The following LCP2 variants were observed in gnomAD, a reference collection of about 807,000 sequenced individuals.
LCP2 encodes lymphocyte cytosolic protein 2.
In LCP2, 29 loss-of-function variants were observed where a neutral mutation model predicts 74.5. The ratio of observed to expected loss-of-function variants is 0.39; its 90% confidence interval spans 0.29 to 0.53. The LOEUF is 0.53. Ranked by LOEUF, LCP2 falls within the 20% of genes least tolerant of loss-of-function variation. The pLI is 0.72. For missense variants in LCP2, 604 were observed against 634.6 expected (o/e 0.95, Z 0.52); for synonymous variants, 228 against 229.5 (o/e 0.99, Z 0.06).
chr5:170,249,380 A>ATATATC (rs57880741), intron 20 of LCP2, among the ~76,000 whole-genome samples: 5,371 of 147,932 alleles, frequency 0.036, 119 homozygotes, highest in Non-Finnish European at 0.045. Flanking sequence ...ATATATATAT[A>ATATATC]TCTACATATC....
At position 170,290,952 on chromosome 5, in the gene LCP2, A is replaced by AAAAGAAAG. The variant is rs201112309; in HGVS notation, c.141+2350_141+2357dup. Reference sequence around the variant, plus strand: ...AGAGAGAAAGAAGAAAGAAAGAAAGAAAAGAAAGAAAGAAAGAAAGAAAGA... The same window carrying AAAAGAAAG: ...AGAGAGAAAGAAGAAAGAAAGAAAGAAAAGAAAGAAAGAAAGAAAGAAAGAAAGAAAGA... On this transcript the variant is annotated intron_variant, in intron 2 of 20. Transcript: ENST00000046794. 5.8e-3 allele frequency among the ~76,000 whole-genome samples: 673 copies of AAAAGAAAG among 116,978 alleles called. 4 individuals carry two copies. The highest frequency in any genetic ancestry group is 0.015 in the East Asian group (60 of 3,986). 76.7% of individuals were successfully genotyped at this position (116,978 alleles called of 152,430 possible).
chr5:170,291,199 CAGGAAGGA>C (rs70979170), intron 2 of LCP2, among the ~76,000 whole-genome samples: 15 of 125,524 alleles, frequency 1.2e-4, no homozygotes, highest in Admixed American at 3.9e-4. Context: ...GGAAAGAAGG[CAGGAAGGA>C]AGGAAGGAAG....
At chr5:170,260,193 T>C (rs1761626887) in intron 14 of LCP2, among the ~76,000 whole-genome samples, 1 of 152,242 alleles carries the variant, frequency 6.6e-6, no homozygotes, top group African/African-American at 2.4e-5. Flanking sequence ...TTGAGCCACA[T>C]GGCACACTTT....
chr5:170,270,486 C>T (rs1458373573), intron 7 of LCP2: 1 of 476,426 alleles, frequency 2.1e-6, no homozygotes, highest in Non-Finnish European at 3.6e-6. Flanking sequence ...GTAGTCCTCA[C>T]AGGAAACCTA....
intron 3 of LCP2, among the ~76,000 whole-genome samples, chr5:170,283,376 T>C (rs1473701866): frequency 6.6e-6 from 1 of 152,224 alleles, no homozygotes; most frequent in Non-Finnish European, 1.5e-5. Flanking sequence ...TCAGTTGAGC[T>C]TAGCCTTAAG....
In LCP2 at chr5:170,255,254, T is replaced by A. The variant is rs536159494; in HGVS notation, c.1150+1272A>T. Among the ~76,000 whole-genome samples the A allele has an allele frequency of 1.2e-4, 18 of 152,314 alleles. No individual in the cohort carries two copies. The South Asian group carries it at 3.5e-3, about 30-fold the overall frequency. On this transcript the variant is annotated intron_variant, in intron 17 of 20. Coordinates refer to ENST00000046794, the MANE Select transcript of LCP2 (RefSeq NM_005565.5). ...TGCTTAGAAAACATTGAAAACTTAG[T>A]GGGTGCCACTGGCGTCAGCAGTGGG...
At position 170,256,453 on chromosome 5, in the gene LCP2, T is replaced by G; in HGVS notation, c.1150+73A>C. Reference sequence around the variant, plus strand: ...AACAATAAAACCTTTGTCGAAAGCTTTTGGGACAGGTTAGGGATCCAGTCA... The same window carrying G: ...AACAATAAAACCTTTGTCGAAAGCTGTTGGGACAGGTTAGGGATCCAGTCA... On this transcript the variant is annotated intron_variant, in intron 17 of 20. Coordinates refer to ENST00000046794, the MANE Select transcript of LCP2 (RefSeq NM_005565.5). This position sits in a 1 kb window ranked among gnomAD's most constrained non-coding sequence, Gnocchi z 4.5. 3 of 1,206,912 alleles carry G rather than the reference T, an allele frequency of 2.5e-6. No individual in the cohort carries two copies. Among genetic ancestry groups the G allele is most frequent in the Non-Finnish European group, 3.7e-6 (3 of 811,468 alleles). The allele number at this position is 1,206,912 out of a possible 1,614,324, so 74.8% of individuals were successfully genotyped here. A position where few individuals can be genotyped will look rare whatever the true frequency, so the allele number is the denominator to read the frequency against.
chr5:170,275,424 C>A, intron 4 of LCP2, 73 bp from the exon 5 acceptor site: 1 of 1,552,956 alleles, frequency 6.4e-7, no homozygotes, highest in South Asian at 1.1e-5. Context: ...TCAACCTGGT[C>A]CAGCGAGAGG....
chr5:170,274,178 C>T (rs1761945600), intron 6 of LCP2, 123 bp downstream of exon 6: 2 of 1,020,804 alleles, frequency 2.0e-6, no homozygotes, highest in African/African-American at 3.2e-5. Flanking sequence ...TTTTCTGGGC[C>T]CTGGGTGGGT....
rs1465890293 is a variant in LCP2, at chr5:170,293,302, G to GAGCT, written c.141+4_141+7dup. 1.2e-6 allele frequency: 2 copies of GAGCT among 1,606,154 alleles called. No homozygotes were observed. The highest frequency in any genetic ancestry group is 2.7e-5 in the African/African-American group (2 of 74,840). On this transcript the variant is annotated splice_region_variant and intron_variant, in intron 2 of 20. Transcript: ENST00000046794. ...TGGTTTCAGTGTGTTGGACTAGCCA[G>GAGCT]AGCTTACCAAGAAGCGAGCCCCATC...
At chr5:170,272,764 C>CACCA (rs1283455379) in intron 6 of LCP2, among the ~76,000 whole-genome samples, 4 of 151,390 alleles carry the variant, frequency 2.6e-5, no homozygotes, top group Non-Finnish European at 5.9e-5. Context: ...AGGCACGCAC[C>CACCA]ACCACGCCCA....
rs574632588 is a variant in LCP2, at chr5:170,275,445, T to G, written c.255-94A>C. 6.6e-4 allele frequency: 905 copies of G among 1,371,070 alleles called. 7 individuals are homozygous for G. In the Middle Eastern group the frequency reaches 8.0e-3, roughly 12 times the overall value. The allele number at this position is 1,371,070 out of a possible 1,614,324, so 84.9% of individuals were successfully genotyped here. A position where few individuals can be genotyped will look rare whatever the true frequency, so the allele number is the denominator to read the frequency against. On this transcript the variant is annotated intron_variant, in intron 4 of 20. Coordinates refer to ENST00000046794, the MANE Select transcript of LCP2 (RefSeq NM_005565.5). ...TGGTCCAGCGAGAGGGAGTCCCCAG[T>G]GGAGGGCATGTCTCACTGCTCAAGA...
intron 1 of LCP2, 67 bp downstream of exon 1, chr5:170,297,467 G>T: frequency 7.1e-7 from 1 of 1,413,514 alleles, no homozygotes; most frequent in Non-Finnish European, 9.8e-7. Context: ...CAATTCCATC[G>T]TCAAGCCTCA....
intron 3 of LCP2, among the ~76,000 whole-genome samples, chr5:170,280,033 T>C (rs1004425265): frequency 6.6e-5 from 10 of 152,118 alleles, no homozygotes; most frequent in Admixed American, 5.9e-4. Flanking sequence ...GCACAAAGCA[T>C]GCAGTAGGAA....
rs111312424 is a variant in LCP2 at position 170,286,016 on chromosome 5, G to A, written c.188+1954C>T. ...TCACCGCCTTTGTTTTCCATCCCTCGGTGTCTGATGCTCAATGTCTTGAAA... is the reference window on the plus strand; with the variant it reads ...TCACCGCCTTTGTTTTCCATCCCTCAGTGTCTGATGCTCAATGTCTTGAAA... On this transcript the variant is annotated intron_variant, in intron 3 of 20. Transcript: ENST00000046794. 1.8e-3 allele frequency among the ~76,000 whole-genome samples: 271 copies of A among 152,194 alleles called. 2 individuals carry two copies. Among genetic ancestry groups the A allele is most frequent in the African/African-American group, 6.2e-3 (256 of 41,534 alleles).
At chr5:170,257,284 G>A (rs559715018) in intron 16 of LCP2, among the ~76,000 whole-genome samples, 8 of 152,288 alleles carry the variant, frequency 5.3e-5, no homozygotes, top group East Asian at 1.9e-4. Flanking sequence ...AGATGCCAGC[G>A]GGAAGAGGGA....
rs1230807459 is a variant in LCP2, at chr5:170,262,717, T to A, written c.844A>T (p.Ile282Phe). ...GRSLGEHLPKIQKPPLPPTTE... is the reference protein window; with the variant it reads ...GRSLGEHLPKFQKPPLPPTTE... ...GTCGGTGGTAAAGGAGGCTTTTGAA[T>A]CTTGGGTAAATGCTCCCCGAGTGAC... The change falls in exon 13 of 21, where the codon ATT (isoleucine) becomes TTT (phenylalanine). Residue 282 changes from isoleucine to phenylalanine, a missense_variant. By Grantham distance (21) the Ile-to-Phe change is conservative. Transcript: ENST00000046794. The A allele has an allele frequency of 1.2e-6, 2 of 1,613,948 alleles. No individual in the cohort carries two copies. The highest frequency in any genetic ancestry group is 8.5e-7 in the Non-Finnish European group (1 of 1,179,860).
At chr5:170,279,680 G>A (rs757836823) in intron 3 of LCP2, among the ~76,000 whole-genome samples, 4 of 152,156 alleles carry the variant, frequency 2.6e-5, no homozygotes, top group Non-Finnish European at 4.4e-5. Context: ...AATAAATCCT[G>A]CTATTCTTGA....
chr5:170,267,352 T>C (rs1025018805), intron 8 of LCP2: 28 of 526,434 alleles, frequency 5.3e-5, no homozygotes, highest in Middle Eastern at 5.1e-4. Flanking sequence ...AACTCGTTAA[T>C]GTCCTGCGAG....
Sources: gnomAD v4.1 joint callset for allele counts (sites outside exome capture counted in the v4.1 genomes callset) on GRCh38, gnomAD v4.1.1 for gene constraint, Gnocchi (gnomAD v3.1) non-coding constraint, MANE v1.5 for transcripts, NCBI Gene and HGNC (gene_info 2026-07-23, HGNC 2026-07-21) for gene names.